IL1RAPL2: variants seen among roughly 807,000 people sequenced by gnomAD.
The protein encoded by IL1RAPL2 is interleukin 1 receptor accessory protein like 2, also known as X-linked interleukin-1 receptor accessory protein-like 2.
IL1RAPL2 carries 3 observed loss-of-function variants against 44.1 expected under a neutral mutation model. The ratio of observed to expected loss-of-function variants is 0.07; its 90% CI spans 0.03 to 0.18. The LOEUF is 0.18. Ranked by LOEUF, IL1RAPL2 falls within the 10% of genes least tolerant of loss-of-function variation. The probability of loss-of-function intolerance (pLI) is 1.00; values close to 1 mark genes in which losing one functional copy is unlikely to be tolerated. For missense variants in IL1RAPL2, 391 were observed against 496.4 expected, an observed-to-expected ratio of 0.79 and a Z score of 2.02; for synonymous variants, 181 against 178.8, an observed-to-expected ratio of 1.01 and a Z score of -0.10.
At chrX:104,595,438 T>TTAC (rs1358322642) in intron 1 of IL1RAPL2, among the ~76,000 whole-genome samples, 3 of 111,256 alleles carry the variant, frequency 2.7e-5, no homozygotes, top group African/African-American at 9.8e-5. Context: ...GATGTTGGAT[T>TTAC]TACTATAGTT....
intron 1 of IL1RAPL2, among the ~76,000 whole-genome samples, chrX:104,599,001 C>T (rs1928820984): frequency 8.9e-6 from 1 of 112,017 alleles, no homozygotes; most frequent in Non-Finnish European, 1.9e-5. Context: ...AGTAGATATA[C>T]CAGGCAGAAG....
chrX:105,733,706 T>G (rs981032574), intron 7 of IL1RAPL2, among the ~76,000 whole-genome samples: 2 of 111,062 alleles, frequency 1.8e-5, no homozygotes, highest in African/African-American at 6.5e-5. Context: ...CCTTACTAAT[T>G]TGTTGATATA....
intron 2 of IL1RAPL2, among the ~76,000 whole-genome samples, chrX:104,939,280 C>T (rs1925104187): frequency 9.0e-6 from 1 of 110,899 alleles, no homozygotes. Flanking sequence ...TGGTCTCGAA[C>T]TCCTGACCTC....
chrX:104,888,845 A>T (rs776686041), intron 2 of IL1RAPL2, among the ~76,000 whole-genome samples: 17 of 111,836 alleles, frequency 1.5e-4, no homozygotes, highest in African/African-American at 5.2e-4. Context: ...GACCAAGAAT[A>T]CCCTAACAGG....
intron 4 of IL1RAPL2, among the ~76,000 whole-genome samples, chrX:105,237,940 C>A (rs1556203664): frequency 8.9e-6 from 1 of 111,852 alleles, no homozygotes; most frequent in Non-Finnish European, 1.9e-5. Flanking sequence ...TAGAAATGTC[C>A]AGTGTGTTAA....
chrX:104,573,068 A>C (rs1001511954), intron 1 of IL1RAPL2, among the ~76,000 whole-genome samples: 10 of 112,242 alleles, frequency 8.9e-5, no homozygotes, highest in African/African-American at 2.6e-4. Context: ...AGGGTATAGG[A>C]AGCATCTGTT....
intron 2 of IL1RAPL2, among the ~76,000 whole-genome samples, chrX:105,026,103 A>G (rs1156255018): frequency 9.0e-6 from 1 of 110,758 alleles, no homozygotes; most frequent in Non-Finnish European, 1.9e-5. Context: ...CAGCACTGGA[A>G]TACAACCATG....
intron 2 of IL1RAPL2, among the ~76,000 whole-genome samples, chrX:105,182,261 G>A (rs2033539507): frequency 9.1e-6 from 1 of 110,396 alleles, no homozygotes; most frequent in Non-Finnish European, 1.9e-5. Flanking sequence ...TTATATAGGA[G>A]TCTATCTCTT....
intron 6 of IL1RAPL2, among the ~76,000 whole-genome samples, chrX:105,652,373 A>G (rs1235135257): frequency 9.0e-6 from 1 of 111,411 alleles, no homozygotes; most frequent in Non-Finnish European, 1.9e-5. Flanking sequence ...TTTTCTAACT[A>G]AACTGTTCCT....
chrX:104,806,871 G>A (rs1037945188), intron 2 of IL1RAPL2, among the ~76,000 whole-genome samples: 2 of 111,976 alleles, frequency 1.8e-5, no homozygotes, highest in East Asian at 2.8e-4. Context: ...GATAATCCAC[G>A]TAAAGGGGTT....
chrX:104,955,921 C>G (rs917588750), intron 2 of IL1RAPL2, among the ~76,000 whole-genome samples: 29 of 111,967 alleles, frequency 2.6e-4, no homozygotes, highest in African/African-American at 7.8e-4. Flanking sequence ...GGGGTTGGAA[C>G]TGTGAAATCA....
At chrX:104,768,893 G>C (rs1454195093) in intron 2 of IL1RAPL2, among the ~76,000 whole-genome samples, 1 of 110,779 alleles carries the variant, frequency 9.0e-6, no homozygotes, top group Non-Finnish European at 1.9e-5. Flanking sequence ...TCAGGGTCTA[G>C]CTTTCCCGAG....
chrX:105,757,282 G>A (rs1156556269), intron 10 of IL1RAPL2, among the ~76,000 whole-genome samples: 1 of 111,753 alleles, frequency 8.9e-6, no homozygotes, highest in African/African-American at 3.3e-5. Flanking sequence ...TCTGTGAAAA[G>A]TCCATAATAA....
intron 2 of IL1RAPL2, among the ~76,000 whole-genome samples, chrX:104,977,757 A>G (rs1480824491): frequency 8.9e-6 from 1 of 112,377 alleles, no homozygotes; most frequent in Non-Finnish European, 1.9e-5. Context: ...GGTACTGCTC[A>G]TTGCAGAACA....
chrX:104,707,230 A>G (rs189085157), intron 2 of IL1RAPL2, among the ~76,000 whole-genome samples: 8 of 111,653 alleles, frequency 7.2e-5, no homozygotes, highest in Admixed American at 6.7e-4. Context: ...GAATATATCA[A>G]AATTCAATTA....
chrX:105,640,701 T>C (rs902852515), intron 6 of IL1RAPL2, among the ~76,000 whole-genome samples: 24 of 93,065 alleles, frequency 2.6e-4, no homozygotes, highest in African/African-American at 5.2e-4. Context: ...TACACACACA[T>C]ATACATATAT....
At chrX:105,006,585 G>A (rs1023719750) in intron 2 of IL1RAPL2, among the ~76,000 whole-genome samples, 1 of 110,938 alleles carries the variant, frequency 9.0e-6, no homozygotes, top group Non-Finnish European at 1.9e-5. Flanking sequence ...TAATCCTAGA[G>A]TTCTGAGCTC....
In IL1RAPL2 at chrX:104,990,537, G is replaced by T. The variant is rs141899349; in HGVS notation, c.83-204938G>T. 9.7e-4 allele frequency among the ~76,000 whole-genome samples: 108 copies of T among 111,199 alleles called. 1 individual carries two copies. Among genetic ancestry groups the T allele is most frequent in the African/African-American group, 3.4e-3 (104 of 30,654 alleles). ...CTTTACAAGGCATCTGACAGGAAAA[G>T]TATCAATGTGCTAATCTCCACAGCA... On this transcript the variant is annotated intron_variant, in intron 2 of 10. Transcript: ENST00000372582.
intron 2 of IL1RAPL2, among the ~76,000 whole-genome samples, chrX:105,188,596 T>A (rs1032849456): frequency 1.8e-5 from 2 of 111,736 alleles, no homozygotes; most frequent in Non-Finnish European, 3.8e-5. Context: ...CATTATTAAG[T>A]GTAATAACTA....
Sources: gnomAD v4.1 joint callset for allele counts (sites outside exome capture counted in the v4.1 genomes callset) on GRCh38, gnomAD v4.1.1 for gene constraint, MANE v1.5 for transcripts, NCBI Gene and HGNC (gene_info 2026-07-23, HGNC 2026-07-21) for gene names.